The following SLC2A9 variants were observed in gnomAD, a reference collection of about 807,000 sequenced individuals.
The protein encoded by SLC2A9 is solute carrier family 2, facilitated glucose transporter member 9.
In SLC2A9, 39 loss-of-function variants were observed where a neutral mutation model predicts 50.6. The observed-to-expected ratio is 0.77, with a 90% confidence interval of 0.60 to 1.01. SLC2A9 has a LOEUF of 1.01. SLC2A9 is among the 50% of genes least tolerant of loss of function. SLC2A9 has a pLI of 0.00. For missense variants in SLC2A9, 686 were observed against 677.6 expected (o/e 1.01, Z -0.14); for synonymous variants, 324 against 276.9 (o/e 1.17, Z -1.69).
chr4:9,886,608 G>C (rs781239399), intron 10 of SLC2A9, among the ~76,000 whole-genome samples: 1 of 152,092 alleles, frequency 6.6e-6, no homozygotes, highest in Non-Finnish European at 1.5e-5. Context: ...ATAGAACCTG[G>C]AATGTAATGG....
At chr4:9,832,107 C>A (rs1221649881) in intron 11 of SLC2A9, among the ~76,000 whole-genome samples, 1 of 152,272 alleles carries the variant, frequency 6.6e-6, no homozygotes, top group East Asian at 1.9e-4. Context: ...CGGCCCGAGG[C>A]CCGAGTAGAT....
chr4:9,947,914 G>A (rs545131119), intron 5 of SLC2A9, among the ~76,000 whole-genome samples: 16 of 152,228 alleles, frequency 1.1e-4, no homozygotes, highest in South Asian at 8.3e-4. Flanking sequence ...GCTTCCCTGC[G>A]TGGTCCTGCA....
intron 10 of SLC2A9, chr4:9,879,586 G>C (rs1027766535): frequency 1.0e-6 from 1 of 985,374 alleles, no homozygotes; most frequent in Non-Finnish European, 1.2e-6. Flanking sequence ...ATGTGCTGAG[G>C]CATCTTCCAT....
chr4:9,996,692 A>C, intron 3 of SLC2A9, 89 bp downstream of exon 3: 1 of 1,488,744 alleles, frequency 6.7e-7, no homozygotes, highest in Non-Finnish European at 9.2e-7. Context: ...GCCTGAGTGG[A>C]GTTCTGTTGC....
At chr4:9,878,482 G>A (rs914803586) in intron 10 of SLC2A9, among the ~76,000 whole-genome samples, 2 of 152,106 alleles carry the variant, frequency 1.3e-5, no homozygotes, top group Non-Finnish European at 2.9e-5. Context: ...GGGTTGAGGT[G>A]TTTCCCAGTT....
intron 6 of SLC2A9, among the ~76,000 whole-genome samples, chr4:9,937,664 C>T (rs755308695): frequency 1.5e-4 from 23 of 152,126 alleles, no homozygotes; most frequent in South Asian, 1.0e-3. Context: ...AAGCATGGAA[C>T]GTTACACAGC....
intron 10 of SLC2A9, among the ~76,000 whole-genome samples, chr4:9,850,959 G>A (rs191518316): frequency 2.6e-5 from 4 of 152,034 alleles, no homozygotes; most frequent in Admixed American, 6.5e-5. Context: ...GCTAGCACAG[G>A]TGCTGGCAAC....
chr4:9,972,186 GAGAGGAAAGAAAAGTGGGAGCTC>G (rs1754014907), intron 5 of SLC2A9, among the ~76,000 whole-genome samples: 1 of 152,020 alleles, frequency 6.6e-6, no homozygotes, highest in Non-Finnish European at 1.5e-5. Context: ...TTCTTTCCTT[GAGAGGAAAGAAAAGTGGGAGCTC>G]AAAGTTAATC....
At chr4:9,844,258 T>A (rs972537274) in intron 10 of SLC2A9, among the ~76,000 whole-genome samples, 1 of 152,080 alleles carries the variant, frequency 6.6e-6, no homozygotes, top group Non-Finnish European at 1.5e-5. Context: ...TTGAATTTAT[T>A]TTATTCCCCT....
intron 7 of SLC2A9, 42 bp downstream of exon 7, chr4:9,920,343 C>T (rs1347119897): frequency 6.2e-7 from 1 of 1,609,368 alleles, no homozygotes; most frequent in East Asian, 2.2e-5. Flanking sequence ...CCCTCTGATC[C>T]CTCCAGTCAT....
At chr4:9,967,586 AT>A (rs573237626) in intron 5 of SLC2A9, among the ~76,000 whole-genome samples, 4 of 151,986 alleles carry the variant, frequency 2.6e-5, no homozygotes, top group Admixed American at 1.3e-4. Context: ...TTTAAAAATA[AT>A]TTTTTTAAAT....
At position 9,941,517 on chromosome 4, in the gene SLC2A9, G is replaced by A. The variant is rs555807017; in HGVS notation, c.814+396C>T. ...CTGGCAGGTAAATATTAAGACAGAG[G>A]AAGTCAGTGAAGGGAGAAGAAGTGG... On this transcript the variant is annotated intron_variant, in intron 6 of 11. Transcript: ENST00000264784. Among the ~76,000 whole-genome samples, 112 of 152,292 alleles carry A rather than the reference G, an allele frequency of 7.4e-4. 1 individual carries two copies. Among genetic ancestry groups the A allele is most frequent in the African/African-American group, 2.6e-3 (108 of 41,558 alleles).
At chr4:10,026,374 A>G (rs1763752774), upstream of SLC2A9, among the ~76,000 whole-genome samples, 1 of 152,180 alleles carries the variant, frequency 6.6e-6, no homozygotes, top group African/African-American at 2.4e-5. Flanking sequence ...TTTGGCAAGG[A>G]TGTGGAGAAA....
At chr4:9,859,066 C>A (rs1731191028) in intron 10 of SLC2A9, among the ~76,000 whole-genome samples, 1 of 152,174 alleles carries the variant, frequency 6.6e-6, no homozygotes, top group East Asian at 1.9e-4. Flanking sequence ...CTGAAGGGTG[C>A]ACTGTCGGCT....
At chr4:9,999,048 A>G (rs754199695) in intron 2 of SLC2A9, among the ~76,000 whole-genome samples, 31 of 149,792 alleles carry the variant, frequency 2.1e-4, no homozygotes, top group Admixed American at 4.0e-4. Context: ...AGAAGAAATA[A>G]CTGGGGAGGG....
intron 6 of SLC2A9, among the ~76,000 whole-genome samples, chr4:9,927,580 TAGG>T (rs1745135396): frequency 1.3e-5 from 2 of 152,166 alleles, no homozygotes; most frequent in Non-Finnish European, 1.5e-5. Context: ...CTTCTAAAAA[TAGG>T]AGATTTCATC....
chr4:9,934,604 G>A (rs1360226862), intron 6 of SLC2A9, among the ~76,000 whole-genome samples: 1 of 152,216 alleles, frequency 6.6e-6, no homozygotes, highest in African/African-American at 2.4e-5. Context: ...AGAGATGCAT[G>A]ATGGCCAGTT....
intron 5 of SLC2A9, among the ~76,000 whole-genome samples, chr4:9,953,628 T>C (rs1560376347): frequency 6.6e-6 from 1 of 152,126 alleles, no homozygotes; most frequent in African/African-American, 2.4e-5. Context: ...TTTTTGTTTG[T>C]TGGTTGTTTT....
At chr4:9,910,086 G>C (rs1741436093) in intron 7 of SLC2A9, among the ~76,000 whole-genome samples, 1 of 152,136 alleles carries the variant, frequency 6.6e-6, no homozygotes, top group Admixed American at 6.5e-5. Flanking sequence ...TAAAGTTATG[G>C]GCATACCAAG....
Sources: allele counts gnomAD v4.1 joint callset (sites outside exome capture counted in the v4.1 genomes callset), GRCh38; gene constraint gnomAD v4.1.1; transcripts MANE v1.5; gene names NCBI Gene and HGNC (gene_info 2026-07-23, HGNC 2026-07-21).